ADCK1: variants seen among roughly 807,000 people sequenced by gnomAD.
The protein encoded by ADCK1 is aarF domain containing kinase 1.
ADCK1 carries 41 observed loss-of-function variants against 52.3 expected under a neutral mutation model. The ratio of observed to expected loss-of-function variants is 0.78; its 90% CI spans 0.61 to 1.02. The LOEUF (loss-of-function observed/expected upper bound fraction) is 1.02. Among genes scored for constraint, ADCK1 ranks in the 50% least tolerant of loss-of-function variants. ADCK1 has a pLI of 0.00. For synonymous variants in ADCK1, 250 were observed against 274.6 expected, an observed-to-expected ratio of 0.91 and a Z score of 0.89; for missense variants, 658 against 679.5, an observed-to-expected ratio of 0.97 and a Z score of 0.35.
chr14:77,807,539 C>T (rs749042168), intron 1 of ADCK1, among the ~76,000 whole-genome samples: 4 of 140,560 alleles, frequency 2.8e-5, no homozygotes, highest in Non-Finnish European at 3.1e-5. Flanking sequence ...GATGGAGTTT[C>T]GCCCTTGTTG....
chr14:77,881,530 A>G (rs1339090393), intron 4 of ADCK1, among the ~76,000 whole-genome samples: 1 of 152,140 alleles, frequency 6.6e-6, no homozygotes, highest in Non-Finnish European at 1.5e-5. Context: ...AATTATGGAC[A>G]TGTTTTATTT....
chr14:77,926,251 G>T (rs113914537), intron 9 of ADCK1, among the ~76,000 whole-genome samples: 13 of 152,306 alleles, frequency 8.5e-5, no homozygotes, highest in African/African-American at 3.1e-4. Flanking sequence ...TGTAGCTTTA[G>T]CTCTGACCTG....
chr14:77,843,754 C>A (rs2082121525), intron 3 of ADCK1, among the ~76,000 whole-genome samples: 1 of 152,226 alleles, frequency 6.6e-6, no homozygotes, highest in African/African-American at 2.4e-5. Context: ...TTCCCTAAAT[C>A]ATTATTGATG....
At chr14:77,837,116 C>T (rs984195218) in intron 3 of ADCK1, among the ~76,000 whole-genome samples, 10 of 151,568 alleles carry the variant, frequency 6.6e-5, no homozygotes, top group Admixed American at 3.3e-4. Context: ...ATTTAGGGTC[C>T]ACCTGGGCAA....
intron 4 of ADCK1, among the ~76,000 whole-genome samples, chr14:77,878,487 C>T (rs538754236): frequency 6.6e-6 from 1 of 152,342 alleles, no homozygotes; most frequent in South Asian, 2.1e-4. Context: ...GTGGTGGGTT[C>T]TCACGTGGGC....
chr14:77,877,085 C>T (rs761223226), intron 4 of ADCK1, among the ~76,000 whole-genome samples: 11 of 152,114 alleles, frequency 7.2e-5, no homozygotes, highest in Admixed American at 1.3e-4. Context: ...TGTGGTGATG[C>T]GCACCTGTAG....
chr14:77,805,121 G>A (rs1402525323), intron 1 of ADCK1, among the ~76,000 whole-genome samples: 2 of 149,128 alleles, frequency 1.3e-5, no homozygotes, highest in Admixed American at 6.7e-5. Flanking sequence ...CAGGAGAATC[G>A]CTTGAACCCT....
At chr14:77,867,479 C>T (rs984950609) in intron 4 of ADCK1, among the ~76,000 whole-genome samples, 13 of 152,138 alleles carry the variant, frequency 8.5e-5, no homozygotes, top group African/African-American at 9.7e-5. Flanking sequence ...AAACCCATTT[C>T]CCCCCCAATA....
intron 3 of ADCK1, 135 bp from the exon 4 acceptor site, chr14:77,858,939 TGC>T: frequency 6.7e-6 from 5 of 740,826 alleles, no homozygotes; most frequent in Admixed American, 2.5e-5. Context: ...TGTGTGTGTG[TGC>T]GTGTGTGTGC....
At chr14:77,894,873 C>T (rs954226849) in intron 5 of ADCK1, among the ~76,000 whole-genome samples, 2 of 151,326 alleles carry the variant, frequency 1.3e-5, no homozygotes, top group Non-Finnish European at 2.9e-5. Context: ...CTGCTTCAGC[C>T]TCCTGAGTAG....
At chr14:77,906,999 C>T (rs1250286270) in intron 6 of ADCK1, among the ~76,000 whole-genome samples, 3 of 152,166 alleles carry the variant, frequency 2.0e-5, no homozygotes, top group Non-Finnish European at 2.9e-5. Context: ...TATAAGGTCA[C>T]AGCACACTGG....
chr14:77,817,173 C>T lies in ADCK1; in HGVS notation c.-11-1795C>T, dbSNP rs181284722. Among the ~76,000 whole-genome samples the T allele has an allele frequency of 1.6e-3, 238 of 152,258 alleles. 1 individual carries two copies. The Middle Eastern group carries it at 0.017, about 11-fold the overall frequency. On this transcript the variant is annotated intron_variant, in intron 1 of 10. Coordinates refer to ENST00000238561, the MANE Select transcript of ADCK1 (RefSeq NM_020421.4). ...AGGAGAAACGCTCCAACCTGGCAGGCGGAGGTTGCAGTGAGCCGAGATCGC... is the reference window on the plus strand; with the variant it reads ...AGGAGAAACGCTCCAACCTGGCAGGTGGAGGTTGCAGTGAGCCGAGATCGC...
At chr14:77,929,041 T>C (rs528670804) in intron 9 of ADCK1, among the ~76,000 whole-genome samples, 17 of 152,284 alleles carry the variant, frequency 1.1e-4, no homozygotes, top group Admixed American at 2.0e-4. Flanking sequence ...TAGAGGGGCA[T>C]TTGTGAATGT....
Position 77,900,247 on chromosome 14 carries a change from G to A in ADCK1, c.741+989G>A, listed in dbSNP as rs115579625. ...CCTGCTGTGGAAGTGGGCATCAGAA[G>A]GGTTGCTGCTTGTTAGTTTTGTGGG... is the stretch of plus-strand genomic sequence containing the variant. On this transcript the variant is annotated intron_variant, in intron 6 of 10. Transcript: ENST00000238561. 6.5e-3 allele frequency among the ~76,000 whole-genome samples: 989 copies of A among 152,228 alleles called. 9 individuals are homozygous for A. The highest frequency in any genetic ancestry group is 0.023 in the African/African-American group (951 of 41,520).
At chr14:77,914,770 TG>T (rs947223889) in intron 7 of ADCK1, among the ~76,000 whole-genome samples, 3 of 152,300 alleles carry the variant, frequency 2.0e-5, no homozygotes, top group African/African-American at 7.2e-5. Context: ...GTAAAAACAA[TG>T]TTACTGTTAC....
Position 77,924,484 on chromosome 14 carries a change from A to C in ADCK1, c.886A>C (p.Ser296Arg). 6.2e-7 allele frequency: 1 copy of C among 1,614,164 alleles called. No homozygotes were observed. The highest frequency in any genetic ancestry group is 8.5e-7 in the Non-Finnish European group (1 of 1,180,036). Residue 296 changes from serine to arginine, a missense_variant, in exon 8 of 11, where the codon AGT becomes CGT. Physicochemically the swap from Ser to Arg is moderately radical, Grantham distance 110. Coordinates refer to ENST00000238561, the MANE Select transcript of ADCK1 (RefSeq NM_020421.4). ...CTCACGCCACCTGGGCAAGATGTAT[A>C]GTGAGATGATCTTCGTCAATGGCTT... ...EISRHLGKMY[S>R]EMIFVNGFVH... is the part of the protein sequence containing the mutation.
At chr14:77,811,186 T>C (rs1027657642) in intron 1 of ADCK1, among the ~76,000 whole-genome samples, 1 of 151,936 alleles carries the variant, frequency 6.6e-6, no homozygotes, top group African/African-American at 2.4e-5. Flanking sequence ...GGAGCATTTG[T>C]TAAAGCCTGG....
chr14:77,913,663 C>T (rs948862949), intron 7 of ADCK1, among the ~76,000 whole-genome samples: 2 of 152,086 alleles, frequency 1.3e-5, no homozygotes, highest in African/African-American at 4.8e-5. Flanking sequence ...AAGATCCTGC[C>T]GAGGCTGAGG....
intron 3 of ADCK1, among the ~76,000 whole-genome samples, chr14:77,845,473 A>G (rs2082155963): frequency 6.6e-6 from 1 of 151,956 alleles, no homozygotes; most frequent in South Asian, 2.1e-4. Flanking sequence ...CCTAGGCTGG[A>G]GTGCAGTGGC....
Sources: allele counts gnomAD v4.1 joint callset (sites outside exome capture counted in the v4.1 genomes callset), GRCh38; gene constraint gnomAD v4.1.1; transcripts MANE v1.5; gene names NCBI Gene and HGNC (gene_info 2026-07-23, HGNC 2026-07-21).